The following RBM4 variants were observed in gnomAD, a reference collection of about 807,000 sequenced individuals.
RBM4 encodes the protein RNA-binding protein 4.
RBM4 carries 7 observed loss-of-function variants against 29.5 expected under a neutral mutation model. The observed-to-expected ratio is 0.24, with a 90% CI of 0.14 to 0.45. The LOEUF is 0.45. Ranked by LOEUF, RBM4 falls within the 20% of genes least tolerant of loss-of-function variation. The pLI, the probability that RBM4 is intolerant of heterozygous loss-of-function variation, is 1.00. For synonymous variants in RBM4, 220 were observed against 205.4 expected (o/e 1.07, Z -0.61); for missense variants, 387 against 502.3 (o/e 0.77, Z 2.19).
At chr11:66,653,519 G>A (rs568201123) in intron 2 of RBM4, among the ~76,000 whole-genome samples, 3 of 152,000 alleles carry the variant, frequency 2.0e-5, no homozygotes, top group South Asian at 4.2e-4. Flanking sequence ...ATGCCACCAC[G>A]CCCAGCTTAC....
rs769668778 is a variant in RBM4 at position 66,643,576 on chromosome 11, C to T, written c.539C>T (p.Ser180Leu). The part of the protein sequence containing the change: ...HWSKECPIDR[S>L]GRVADLTEQY... ...TCCAAAGAGTGTCCGATAGATCGTT[C>T]AGGCCGCGTGGCAGACTTGACCGAG... The change falls in exon 3 of 4, where the codon TCA becomes TTA. Residue 180 changes from serine (S) to leucine (L), a missense_variant. Coordinates refer to ENST00000310092, the MANE Select transcript of RBM4 (RefSeq NM_002896.4). This position sits in a 1 kb window ranked among gnomAD's most constrained non-coding sequence, Gnocchi z 6.1. 1 of 1,614,148 alleles carries T rather than the reference C, an allele frequency of 6.2e-7. No individual in the cohort carries two copies. The highest frequency in any genetic ancestry group is 8.5e-7 in the Non-Finnish European group (1 of 1,180,040).
At chr11:66,664,219 C>A (rs1048114935) in intron 2 of RBM4, among the ~76,000 whole-genome samples, 2 of 141,052 alleles carry the variant, frequency 1.4e-5, no homozygotes, top group Non-Finnish European at 3.0e-5. Context: ...GGTGCCATCT[C>A]GGCTCCCTGC....
At chr11:66,659,913 T>G (rs1044239724) in intron 2 of RBM4, among the ~76,000 whole-genome samples, 3 of 152,214 alleles carry the variant, frequency 2.0e-5, no homozygotes, top group African/African-American at 7.2e-5. Flanking sequence ...TCTTGTGAAA[T>G]GTATGTAAAT....
Position 66,657,867 on chromosome 11 carries a change from G to A in RBM4, c.413-7989G>A, listed in dbSNP as rs1000426657. Among the ~76,000 whole-genome samples the A allele has an allele frequency of 4.0e-5, 6 of 151,634 alleles. No individual in the cohort carries two copies. The South Asian group carries it at 8.3e-4, about 21-fold the overall frequency. ...GCCTCCCGAGTAGCTGGGACCACTG[G>A]CGCATGCCAGCATGCCCAACTAATT... On this transcript the variant is annotated intron_variant, in intron 2 of 2. Transcript: ENST00000396053.
intron 1 of RBM4, 87 bp from the exon 2 acceptor site, chr11:66,639,613 A>G (rs1199007763): frequency 6.7e-7 from 1 of 1,489,160 alleles, no homozygotes; most frequent in Non-Finnish European, 9.1e-7. Context: ...GAAAACTGGA[A>G]ATATACATTA....
At position 66,644,076 on chromosome 11, in the gene RBM4, AT is replaced by A; in HGVS notation, c.1040del (p.Met347ArgfsTer21). 4 of 1,614,038 alleles carry A rather than the reference AT, an allele frequency of 2.5e-6. No individual in the cohort carries two copies. Among genetic ancestry groups the A allele is most frequent in the Non-Finnish European group, 3.4e-6 (4 of 1,180,024 alleles). The part of the protein sequence containing the change: ...SAAARNSLYD[M>X]ARYEREQYAD... Reference sequence around the variant, plus strand: ...AGCCGCGCGGAATTCTCTGTACGACATGGCCCGGTATGAGCGGGAGCAGTAT... The same window carrying A: ...AGCCGCGCGGAATTCTCTGTACGACAGGCCCGGTATGAGCGGGAGCAGTAT... On this transcript the variant is annotated frameshift_variant, in exon 3 of 4. Transcript: ENST00000310092. LOFTEE classifies it high-confidence loss of function.
intron 3 of RBM4, chr11:66,644,767 C>A: frequency 1.1e-6 from 1 of 873,212 alleles, no homozygotes; most frequent in Non-Finnish European, 1.4e-6. Context: ...GAGAGAAATA[C>A]AAAACTTATC....
intron 2 of RBM4, chr11:66,640,401 C>T: frequency 1.9e-6 from 1 of 536,036 alleles, no homozygotes; most frequent in Non-Finnish European, 3.3e-6. Context: ...TGAAGGCTTT[C>T]TGAGTTACTG....
chr11:66,666,135 C>G, exon 3 of RBM4: 2 of 760,124 alleles, frequency 2.6e-6, no homozygotes, highest in Non-Finnish European at 4.0e-6. Context: ...GTGAGAGCCA[C>G]AGTTCCAGTA....
downstream of RBM4, among the ~76,000 whole-genome samples, chr11:66,648,091 G>A (rs1009517527): frequency 1.4e-4 from 22 of 151,844 alleles, no homozygotes; most frequent in African/African-American, 4.4e-4. Flanking sequence ...CTGTAATCCC[G>A]GCTACTCAGG....
intron 2 of RBM4, among the ~76,000 whole-genome samples, chr11:66,654,226 TCA>T (rs1938896225): frequency 3.3e-5 from 5 of 151,772 alleles, no homozygotes; most frequent in Admixed American, 1.3e-4. Context: ...GCGTGGTGGC[TCA>T]CACCTGTAAT....
exon 3 of RBM4, chr11:66,666,115 C>G (rs1044080117): frequency 6.1e-6 from 5 of 813,774 alleles, no homozygotes; most frequent in East Asian, 2.7e-5. Flanking sequence ...ACATGTCACA[C>G]TGTCACAGAG....
At chr11:66,641,531 T>C (rs1353608398) in intron 2 of RBM4, among the ~76,000 whole-genome samples, 2 of 152,232 alleles carry the variant, frequency 1.3e-5, no homozygotes, top group East Asian at 3.8e-4. Flanking sequence ...TATGGTGTGA[T>C]ACCTAATTTT....
intron 2 of RBM4, among the ~76,000 whole-genome samples, chr11:66,660,080 C>T (rs1939044659): frequency 6.6e-6 from 1 of 151,094 alleles, no homozygotes; most frequent in East Asian, 1.9e-4. Context: ...ACCATACTGA[C>T]TCTCCTTTCA....
chr11:66,643,916 T>C lies in RBM4; in HGVS notation c.879T>C (p.Ala293=). Residue 293 remains alanine (A), a synonymous_variant, in exon 3 of 4, where the codon GCT becomes GCC. Coordinates refer to ENST00000310092, the MANE Select transcript of RBM4 (RefSeq NM_002896.4). The surrounding 1 kb of genome is among the most constrained non-coding windows in gnomAD (Gnocchi z 6.1). ...CAGCTGCTGCTGCAGCAGCAGCCGCTGCTGCTGTTACTGCAGCTTCCACTT... is the reference window on the plus strand; with the variant it reads ...CAGCTGCTGCTGCAGCAGCAGCCGCCGCTGCTGTTACTGCAGCTTCCACTT... The part of the protein sequence containing the change: ...AATAAAAAAA[A]AAVTAASTSY... 6.2e-7 allele frequency: 1 copy of C among 1,613,172 alleles called. No individual in the cohort carries two copies. The highest frequency in any genetic ancestry group is 1.3e-5 in the African/African-American group (1 of 74,972).
chr11:66,647,925 C>T (rs1454893960), downstream of RBM4, among the ~76,000 whole-genome samples: 1 of 152,148 alleles, frequency 6.6e-6, no homozygotes, highest in Non-Finnish European at 1.5e-5. Context: ...TTAACTCCGG[C>T]CAGTCATGGT....
chr11:66,658,360 TTTC>T (rs1330958471), intron 2 of RBM4, among the ~76,000 whole-genome samples: 1 of 148,302 alleles, frequency 6.7e-6, no homozygotes, highest in African/African-American at 2.5e-5. Context: ...TTTTTTTTTT[TTTC>T]GTTTTGTTTT....
chr11:66,650,072 C>T, downstream of RBM4: 2 of 418,680 alleles, frequency 4.8e-6, no homozygotes, highest in South Asian at 9.2e-5. Flanking sequence ...CACTGTGCCT[C>T]CACAAGCTGC....
intron 3 of RBM4, 52 bp from the exon 4 acceptor site, chr11:66,645,975 G>A: frequency 6.5e-7 from 1 of 1,535,826 alleles, no homozygotes. Context: ...TTTTAAATGG[G>A]AAAGCCCTTT....
Sources: allele counts gnomAD v4.1 joint callset (sites outside exome capture counted in the v4.1 genomes callset), GRCh38; gene constraint gnomAD v4.1.1; non-coding constraint Gnocchi (gnomAD v3.1); transcripts MANE v1.5; gene names NCBI Gene and HGNC (gene_info 2026-07-23, HGNC 2026-07-21).